The following GBE1 variants were observed in gnomAD, a reference collection of about 807,000 sequenced individuals.
GBE1 encodes 1,4-alpha-glucan branching enzyme 1.
Under a neutral mutation model 88.8 loss-of-function variants are expected in GBE1, and 70 were observed. The observed-to-expected ratio is 0.79, with a 90% CI of 0.65 to 0.96. The LOEUF is 0.96. Ranked by LOEUF, GBE1 falls within the 40% of genes least tolerant of loss-of-function variation. The pLI is 0.00. For synonymous variants in GBE1, 284 were observed against 300.1 expected (o/e 0.95, Z 0.56); for missense variants, 872 against 871.0 (o/e 1.00, Z -0.01).
chr3:81,605,665 G>A (rs1294201369), intron 7 of GBE1, among the ~76,000 whole-genome samples: 2 of 152,020 alleles, frequency 1.3e-5, no homozygotes, highest in African/African-American at 2.4e-5. Flanking sequence ...ACCCTCAAAG[G>A]TGCACATAAT....
At chr3:81,532,450 C>T (rs147053931) in intron 14 of GBE1, among the ~76,000 whole-genome samples, 13 of 152,198 alleles carry the variant, frequency 8.5e-5, no homozygotes, top group African/African-American at 2.4e-4. Context: ...ATTCTGAGTT[C>T]CTTCACTATA....
intron 7 of GBE1, among the ~76,000 whole-genome samples, chr3:81,594,300 C>A (rs139655864): frequency 3.0e-3 from 457 of 151,984 alleles, no homozygotes; most frequent in Middle Eastern, 6.8e-3. Flanking sequence ...ATTCCAAAAC[C>A]AGAGACCCTG....
At chr3:81,546,894 CCT>C (rs1703211438) in intron 12 of GBE1, among the ~76,000 whole-genome samples, 1 of 151,138 alleles carries the variant, frequency 6.6e-6, no homozygotes, top group South Asian at 2.1e-4. Flanking sequence ...ATCCAAAAAC[CCT>C]CTCTTAGGGT....
chr3:81,539,290 G>C (rs1703116221), intron 12 of GBE1, among the ~76,000 whole-genome samples: 1 of 151,936 alleles, frequency 6.6e-6, no homozygotes, highest in Admixed American at 6.6e-5. Flanking sequence ...GAGATTCCAG[G>C]TATGTATCAG....
rs1259597667 is a variant in GBE1, at chr3:81,629,112, T to C, written c.992+13669A>G. ...TTACATATGTATACATGTGCCATGCTGGTGCGCTGCACCCACTAACGTGTC... is the reference window on the plus strand; with the variant it reads ...TTACATATGTATACATGTGCCATGCCGGTGCGCTGCACCCACTAACGTGTC... On this transcript the variant is annotated intron_variant, in intron 7 of 15. Coordinates refer to ENST00000429644, the MANE Select transcript of GBE1 (RefSeq NM_000158.4). Among the ~76,000 whole-genome samples, 37 of 145,732 alleles carry C rather than the reference T, an allele frequency of 2.5e-4. 1 individual carries two copies. Among genetic ancestry groups the C allele is most frequent in the Non-Finnish European group, 3.0e-5 (2 of 66,802 alleles).
intron 7 of GBE1, among the ~76,000 whole-genome samples, chr3:81,608,445 TC>T (rs1181896112): frequency 6.6e-6 from 1 of 152,208 alleles, no homozygotes; most frequent in African/African-American, 2.4e-5. Context: ...TGCAACACTA[TC>T]TTTCTCCTTT....
chr3:81,503,712 A>G lies in GBE1; in HGVS notation c.1935-4485T>C, dbSNP rs1398324308. On this transcript the variant is annotated intron_variant, in intron 14 of 15. Coordinates refer to ENST00000429644, the MANE Select transcript of GBE1 (RefSeq NM_000158.4). Reference sequence around the variant, plus strand: ...AGTGGTAGAGTTGGGAGGTGCGCGTAAGTCAAATGTAGATCTGATTACTTT... The same window carrying G: ...AGTGGTAGAGTTGGGAGGTGCGCGTGAGTCAAATGTAGATCTGATTACTTT... Among the ~76,000 whole-genome samples, 6 of 152,324 alleles carry G rather than the reference A, an allele frequency of 3.9e-5. No homozygotes were observed. The East Asian group carries it at 9.7e-4, about 25-fold the overall frequency.
At chr3:81,599,448 C>A (rs1297539642) in intron 7 of GBE1, among the ~76,000 whole-genome samples, 1 of 152,012 alleles carries the variant, frequency 6.6e-6, no homozygotes, top group African/African-American at 2.4e-5. Flanking sequence ...TAGAGCACAC[C>A]TATGTAAACT....
chr3:81,604,509 A>G (rs1415908656), intron 7 of GBE1, among the ~76,000 whole-genome samples: 2 of 151,282 alleles, frequency 1.3e-5, no homozygotes, highest in Non-Finnish European at 3.0e-5. Context: ...CTGGTCTTGA[A>G]CTCCTGGACT....
At chr3:81,607,025 GAC>G (rs1704112379) in intron 7 of GBE1, among the ~76,000 whole-genome samples, 2 of 152,110 alleles carry the variant, frequency 1.3e-5, no homozygotes. Context: ...AGAAATGAAT[GAC>G]ACATATTGTT....
intron 12 of GBE1, among the ~76,000 whole-genome samples, chr3:81,564,245 CTAGCT>C (rs977198217): frequency 1.1e-4 from 17 of 152,194 alleles, no homozygotes; most frequent in African/African-American, 3.9e-4. Flanking sequence ...AGAGGTGGAC[CTAGCT>C]TAGATGGATG....
chr3:81,673,279 T>C (rs1385047129), intron 2 of GBE1, among the ~76,000 whole-genome samples: 2 of 151,910 alleles, frequency 1.3e-5, no homozygotes, highest in Admixed American at 1.3e-4. Context: ...TAGGTAGAAC[T>C]GAAAATAAAG....
In GBE1 at chr3:81,617,946, G is replaced by A. The variant is rs536880895; in HGVS notation, c.993-23923C>T. On this transcript the variant is annotated intron_variant, in intron 7 of 15. Coordinates refer to ENST00000429644, the MANE Select transcript of GBE1 (RefSeq NM_000158.4). ...TTCAGATTTGGTAAGTTGTGGTAGC[G>A]TTTTTTTAGAAATAGATCCATTTCA... Among the ~76,000 whole-genome samples the A allele has an allele frequency of 1.6e-4, 24 of 151,952 alleles. No individual in the cohort carries two copies. The East Asian group carries it at 1.9e-3, about 12-fold the overall frequency.
intron 2 of GBE1, among the ~76,000 whole-genome samples, chr3:81,675,525 G>A (rs1705240206): frequency 6.6e-6 from 1 of 152,022 alleles, no homozygotes; most frequent in Non-Finnish European, 1.5e-5. Context: ...AGTGTCTACA[G>A]ATAATATTCT....
rs894981191 is a variant in GBE1 at position 81,733,716 on chromosome 3, T to C, written c.143+27659A>G. Among the ~76,000 whole-genome samples the C allele has an allele frequency of 3.9e-5, 6 of 152,210 alleles. No individual in the cohort carries two copies. Among genetic ancestry groups the C allele is most frequent in the Non-Finnish European group, 8.8e-5 (6 of 68,034 alleles). ...TTCCCGTTTTTATTATATTCTTCTA[T>C]GTTTTCTTTTTGCCATGGCATTTAT... On this transcript the variant is annotated intron_variant, in intron 1 of 15. Transcript: ENST00000429644. The surrounding 1 kb of genome is among the most constrained non-coding windows in gnomAD (Gnocchi z 4.0).
rs112798633 is a variant in GBE1 at position 81,704,956 on chromosome 3, G to C, written c.313+488C>G. Among the ~76,000 whole-genome samples, 33 of 152,012 alleles carry C rather than the reference G, an allele frequency of 2.2e-4. 1 individual carries two copies. Among genetic ancestry groups the C allele is most frequent in the African/African-American group, 7.0e-4 (29 of 41,514 alleles). The stretch of plus-strand genomic sequence containing the variant: ...CACTGTGTTCTAAAACAAGGTAAAG[G>C]AAAAAAAGAAATGAGTGATGGAGGT... On this transcript the variant is annotated intron_variant, in intron 2 of 15. Coordinates refer to ENST00000429644, the MANE Select transcript of GBE1 (RefSeq NM_000158.4).
intron 1 of GBE1, among the ~76,000 whole-genome samples, chr3:81,748,940 G>A (rs1269721539): frequency 1.4e-5 from 2 of 147,698 alleles, no homozygotes; most frequent in Non-Finnish European, 3.0e-5. Context: ...CAGGGAGGCA[G>A]AGGTTGCAGT....
intron 1 of GBE1, among the ~76,000 whole-genome samples, chr3:81,753,474 T>C (rs1397482357): frequency 2.6e-5 from 4 of 152,214 alleles, no homozygotes; most frequent in African/African-American, 7.2e-5. Flanking sequence ...CAGTATGATA[T>C]ACTTATCAGT....
chr3:81,749,152 G>C (rs889463826), intron 1 of GBE1, among the ~76,000 whole-genome samples: 13 of 152,096 alleles, frequency 8.5e-5, no homozygotes, highest in African/African-American at 3.1e-4. Flanking sequence ...TCATATCTTA[G>C]GTTTACTGTA....
Sources: gnomAD v4.1 joint callset for allele counts (sites outside exome capture counted in the v4.1 genomes callset) on GRCh38, gnomAD v4.1.1 for gene constraint, Gnocchi (gnomAD v3.1) non-coding constraint, MANE v1.5 for transcripts, NCBI Gene and HGNC (gene_info 2026-07-23, HGNC 2026-07-21) for gene names.